Variants in ADAMTS17 observed in about 807,000 individuals in gnomAD.
ADAMTS17 encodes the protein ADAM metallopeptidase with thrombospondin type 1 motif 17, also known as A disintegrin and metalloproteinase with thrombospondin motifs 17.
Under a neutral mutation model 141.5 loss-of-function variants are expected in ADAMTS17, and 113 were observed. The observed-to-expected ratio is 0.80, with a 90% confidence interval of 0.69 to 0.93. The LOEUF is 0.93. Ranked by LOEUF, ADAMTS17 falls within the 40% of genes least tolerant of loss-of-function variation. The probability of loss-of-function intolerance (pLI) is 0.00; values close to 1 mark genes in which losing one functional copy is unlikely to be tolerated. For missense variants in ADAMTS17, 1,659 were observed against 1,517.9 expected, an observed-to-expected ratio of 1.09 and a Z score of -1.54; for synonymous variants, 768 against 630.6, an observed-to-expected ratio of 1.22 and a Z score of -3.27.
intron 16 of ADAMTS17, among the ~76,000 whole-genome samples, chr15:100,052,866 A>G (rs2032255244): frequency 6.6e-6 from 1 of 152,286 alleles, no homozygotes; most frequent in African/African-American, 2.4e-5. Flanking sequence ...AAACTGCCTT[A>G]CCTTTGTCTC....
chr15:100,223,651 T>TCA (rs927426426), intron 7 of ADAMTS17, among the ~76,000 whole-genome samples: 4 of 151,014 alleles, frequency 2.6e-5, no homozygotes, highest in African/African-American at 9.8e-5. Flanking sequence ...AGATAGAACT[T>TCA]CACACACACA....
At position 100,242,379 on chromosome 15, in the gene ADAMTS17, G is replaced by C. The variant is rs4462572; in HGVS notation, c.1075+11757C>G. ...TCAGTGGTAACTTGAGTAAGTCTCAGTGCCCACATGGTCCAATCTGGCCCT... is the reference window on the plus strand; with the variant it reads ...TCAGTGGTAACTTGAGTAAGTCTCACTGCCCACATGGTCCAATCTGGCCCT... On this transcript the variant is annotated intron_variant, in intron 7 of 21. Coordinates refer to ENST00000268070, the MANE Select transcript of ADAMTS17 (RefSeq NM_139057.4). 7.1e-3 allele frequency among the ~76,000 whole-genome samples: 1,082 copies of C among 152,322 alleles called. 10 individuals carry two copies. Among genetic ancestry groups the C allele is most frequent in the African/African-American group, 0.025 (1,036 of 41,554 alleles).
At chr15:100,253,956 A>T (rs1367894711) in intron 7 of ADAMTS17, among the ~76,000 whole-genome samples, 180 bp downstream of exon 7, 1 of 152,122 alleles carries the variant, frequency 6.6e-6, no homozygotes, top group East Asian at 1.9e-4. Context: ...TCTGCCATCA[A>T]TAACTTCAAA....
intron 18 of ADAMTS17, among the ~76,000 whole-genome samples, chr15:100,041,565 G>A (rs1444020172): frequency 1.3e-5 from 2 of 152,202 alleles, no homozygotes; most frequent in African/African-American, 4.8e-5. Flanking sequence ...TGCAGACTGT[G>A]GTTAGCAAGG....
chr15:100,203,473 G>A (rs1039812104), intron 7 of ADAMTS17, among the ~76,000 whole-genome samples: 7 of 152,190 alleles, frequency 4.6e-5, no homozygotes, highest in African/African-American at 1.4e-4. Context: ...TTGGGAGACC[G>A]AGCAGGCGGA....
chr15:100,125,278 C>T (rs1462928355), intron 12 of ADAMTS17, among the ~76,000 whole-genome samples: 2 of 152,226 alleles, frequency 1.3e-5, no homozygotes, highest in African/African-American at 2.4e-5. Flanking sequence ...CCAAGTAACA[C>T]ATGTAACTTA....
chr15:100,284,634 C>T (rs906483753), intron 3 of ADAMTS17, among the ~76,000 whole-genome samples: 2 of 152,076 alleles, frequency 1.3e-5, no homozygotes, highest in Non-Finnish European at 2.9e-5. Flanking sequence ...CTCCTCCCTC[C>T]CTGATCTCAA....
chr15:100,131,212 T>G (rs1375345068), intron 12 of ADAMTS17, among the ~76,000 whole-genome samples: 1 of 146,734 alleles, frequency 6.8e-6, no homozygotes, highest in Non-Finnish European at 1.5e-5. Context: ...CACCGGGGCC[T>G]GTCGAGGGGG....
intron 7 of ADAMTS17, among the ~76,000 whole-genome samples, chr15:100,243,746 T>C (rs1193945352): frequency 6.8e-6 from 1 of 146,566 alleles, no homozygotes; most frequent in Non-Finnish European, 1.5e-5. Flanking sequence ...GCGGAGATCC[T>C]GCCACTGCAC....
intron 12 of ADAMTS17, among the ~76,000 whole-genome samples, chr15:100,130,560 C>A (rs2037986088): frequency 6.6e-6 from 1 of 152,152 alleles, no homozygotes; most frequent in Non-Finnish European, 1.5e-5. Flanking sequence ...GAGGTTCCAA[C>A]ATTGACTGCT....
chr15:100,016,395 T>C (rs1226562993), intron 18 of ADAMTS17, among the ~76,000 whole-genome samples: 1 of 152,204 alleles, frequency 6.6e-6, no homozygotes, highest in Non-Finnish European at 1.5e-5. Context: ...TTTGGATCCA[T>C]TGCTGGTGAA....
At position 100,340,955 on chromosome 15, in the gene ADAMTS17, G is replaced by T. The variant is rs534037666; in HGVS notation, c.450+84C>A. On this transcript the variant is annotated intron_variant, in intron 2 of 21. Transcript: ENST00000268070. ...CCCTGGAGGCTGGACTTCCAGCAGA[G>T]GCGCCCCACCCCCACCCTCCACGGC... 192 of 1,503,244 alleles carry T rather than the reference G, an allele frequency of 1.3e-4. 2 individuals are homozygous for T. In the East Asian group the frequency reaches 3.9e-3, roughly 30 times the overall value. The allele number at this position is 1,503,244 out of a possible 1,614,324, so 93.1% of individuals were successfully genotyped here. A position where few individuals can be genotyped will look rare whatever the true frequency, so the allele number is the denominator to read the frequency against.
At chr15:100,277,546 T>G (rs960394560) in intron 4 of ADAMTS17, among the ~76,000 whole-genome samples, 16 of 151,994 alleles carry the variant, frequency 1.1e-4, no homozygotes, top group African/African-American at 3.4e-4. Context: ...GAGAGAGAGA[T>G]AAAATAATCT....
intron 15 of ADAMTS17, among the ~76,000 whole-genome samples, chr15:100,071,539 C>G (rs543583223): frequency 2.7e-5 from 4 of 149,686 alleles, no homozygotes; most frequent in African/African-American, 9.9e-5. Context: ...AGAAGCTTAC[C>G]CATCAAAAAG....
intron 10 of ADAMTS17, among the ~76,000 whole-genome samples, chr15:100,142,112 C>G (rs72755208): frequency 3.9e-5 from 6 of 152,198 alleles, no homozygotes; most frequent in Non-Finnish European, 8.8e-5. Flanking sequence ...ACTTTTAAGA[C>G]AGAAAATCTG....
At chr15:100,088,809 C>T (rs1339646874) in intron 15 of ADAMTS17, among the ~76,000 whole-genome samples, 1 of 152,174 alleles carries the variant, frequency 6.6e-6, no homozygotes, top group African/African-American at 2.4e-5. Flanking sequence ...GAAACTGGAT[C>T]CCTTCCTTAC....
At chr15:100,165,010 C>T (rs999547425) in intron 8 of ADAMTS17, among the ~76,000 whole-genome samples, 1 of 152,200 alleles carries the variant, frequency 6.6e-6, no homozygotes, top group Non-Finnish European at 1.5e-5. Flanking sequence ...TGGCTCCCAA[C>T]AGTAGATCTA....
At chr15:100,158,740 T>C (rs545032521) in intron 8 of ADAMTS17, among the ~76,000 whole-genome samples, 2 of 152,320 alleles carry the variant, frequency 1.3e-5, no homozygotes, top group African/African-American at 4.8e-5. Flanking sequence ...GGATTAAGTT[T>C]TAAAATATAT....
chr15:100,122,212 T>G (rs1474266169), intron 12 of ADAMTS17, among the ~76,000 whole-genome samples: 1 of 152,158 alleles, frequency 6.6e-6, no homozygotes, highest in African/African-American at 2.4e-5. Context: ...TTCTTTAGAG[T>G]TCTCTTTACC....
Sources: gnomAD v4.1 joint callset for allele counts (sites outside exome capture counted in the v4.1 genomes callset) on GRCh38, gnomAD v4.1.1 for gene constraint, MANE v1.5 for transcripts, NCBI Gene and HGNC (gene_info 2026-07-23, HGNC 2026-07-21) for gene names.